MYO5B: variants seen among roughly 807,000 people sequenced by gnomAD.
The protein encoded by MYO5B is unconventional myosin-Vb.
Under a neutral mutation model 229.3 loss-of-function variants are expected in MYO5B, and 143 were observed. The ratio of observed to expected loss-of-function variants is 0.62; its 90% confidence interval spans 0.54 to 0.72. The LOEUF is 0.72. MYO5B is among the 30% of genes least tolerant of loss of function. The pLI is 0.00. For missense variants in MYO5B, 2,321 were observed against 2,331.0 expected, an observed-to-expected ratio of 1.00 and a Z score of 0.09; for synonymous variants, 918 against 885.2, an observed-to-expected ratio of 1.04 and a Z score of -0.66.
chr18:50,192,025 G>A (rs529505684), intron 1 of MYO5B, among the ~76,000 whole-genome samples: 17 of 151,834 alleles, frequency 1.1e-4, no homozygotes, highest in South Asian at 4.2e-4. Context: ...GGGACGAAGC[G>A]ATGTCAAAGA....
At chr18:49,912,501 A>G (rs1416179856) in intron 17 of MYO5B, among the ~76,000 whole-genome samples, 1 of 152,132 alleles carries the variant, frequency 6.6e-6, no homozygotes, top group Non-Finnish European at 1.5e-5. Flanking sequence ...TACCTCCCAT[A>G]ATTCTCACAT....
At chr18:50,041,403 GGTTATCAAAT>G (rs1346612882) in intron 2 of MYO5B, among the ~76,000 whole-genome samples, 4 of 152,060 alleles carry the variant, frequency 2.6e-5, no homozygotes, top group Non-Finnish European at 5.9e-5. Context: ...AGAGGGACTC[GGTTATCAAAT>G]GTTAAGGTAT....
chr18:49,953,773 G>A (rs558610907), intron 13 of MYO5B, among the ~76,000 whole-genome samples: 11 of 152,240 alleles, frequency 7.2e-5, no homozygotes, highest in Admixed American at 2.0e-4. Context: ...CCCCTGAAGA[G>A]CAGCTACACA....
chr18:49,904,386 A>G (rs369460070), intron 20 of MYO5B, among the ~76,000 whole-genome samples: 326 of 152,262 alleles, frequency 2.1e-3, no homozygotes, highest in African/African-American at 7.3e-3. Flanking sequence ...CAGATGTTCA[A>G]TTGTGAACTT....
chr18:49,837,772 T>G lies in MYO5B; in HGVS notation c.4883A>C (p.Gln1628Pro). The part of the protein sequence containing the change: ...VSAMLENESI[Q>P]GLSGVKPTGY... ...GGTGGGCTTCACACCAGATAGACCC[T>G]GAATGCTCTCATTTTCCAACATGGC... The change falls in exon 37 of 40, where the codon CAG (glutamine) becomes CCG (proline). Residue 1628 changes from glutamine to proline, a missense_variant. By Grantham distance (76) the Gln-to-Pro change is moderately conservative (BLOSUM62 -1). Coordinates refer to ENST00000285039, the MANE Select transcript of MYO5B (RefSeq NM_001080467.3). 6.2e-7 allele frequency: 1 copy of G among 1,614,226 alleles called. No individual in the cohort carries two copies. Among genetic ancestry groups the G allele is most frequent in the Non-Finnish European group, 8.5e-7 (1 of 1,180,036 alleles).
At chr18:49,939,219 C>T (rs907050592) in intron 14 of MYO5B, among the ~76,000 whole-genome samples, 11 of 144,938 alleles carry the variant, frequency 7.6e-5, no homozygotes, top group African/African-American at 2.8e-4. Context: ...AATCTCAACT[C>T]ACTGCAAGCT....
At chr18:50,025,232 C>T (rs1410383065) in intron 4 of MYO5B, among the ~76,000 whole-genome samples, 1 of 152,222 alleles carries the variant, frequency 6.6e-6, no homozygotes, top group African/African-American at 2.4e-5. Flanking sequence ...CATCCATTCC[C>T]AAGGCTTTAA....
At chr18:49,863,598 G>A (rs2024358509) in intron 28 of MYO5B, among the ~76,000 whole-genome samples, 1 of 152,134 alleles carries the variant, frequency 6.6e-6, no homozygotes, top group South Asian at 2.1e-4. Context: ...GAGCACCCAA[G>A]TCCAGAGCAC....
intron 33 of MYO5B, among the ~76,000 whole-genome samples, chr18:49,843,905 A>G (rs2024093715): frequency 6.6e-6 from 1 of 152,240 alleles, no homozygotes; most frequent in Non-Finnish European, 1.5e-5. Context: ...AGGTTGGAAC[A>G]ATCTCTGGCC....
At chr18:50,060,093 G>A (rs1161132855) in intron 1 of MYO5B, among the ~76,000 whole-genome samples, 2 of 152,166 alleles carry the variant, frequency 1.3e-5, no homozygotes, top group Non-Finnish European at 2.9e-5. Context: ...TTGGTAACCA[G>A]ACAGAGATGG....
intron 33 of MYO5B, 132 bp from the exon 34 acceptor site, chr18:49,843,524 G>C: frequency 8.3e-7 from 1 of 1,203,250 alleles, no homozygotes; most frequent in Non-Finnish European, 1.2e-6. Flanking sequence ...GTCTCAAAGA[G>C]GATTGGGAGA....
At chr18:49,924,237 G>A (rs112907934) in intron 17 of MYO5B, among the ~76,000 whole-genome samples, 3,227 of 152,250 alleles carry the variant, frequency 0.021, 54 homozygotes, top group Middle Eastern at 0.048. Flanking sequence ...CACCCATAGG[G>A]AGGTAGCTTC....
intron 1 of MYO5B, among the ~76,000 whole-genome samples, chr18:50,083,671 A>G (rs1379403113): frequency 6.6e-6 from 1 of 152,208 alleles, no homozygotes; most frequent in Non-Finnish European, 1.5e-5. Context: ...ACTTTAATTC[A>G]GAGCCTCAGA....
At chr18:49,895,467 G>T (rs1405629802) in intron 21 of MYO5B, among the ~76,000 whole-genome samples, 2 of 152,194 alleles carry the variant, frequency 1.3e-5, no homozygotes, top group African/African-American at 4.8e-5. Flanking sequence ...TGGCTTTATG[G>T]CTGGGTGGAT....
At chr18:49,993,947 T>C (rs1489964692) in intron 5 of MYO5B, among the ~76,000 whole-genome samples, 1 of 152,162 alleles carries the variant, frequency 6.6e-6, no homozygotes, top group African/African-American at 2.4e-5. Flanking sequence ...CCTCTAATCT[T>C]GCCCTTGGTC....
At chr18:49,866,270 C>T (rs573563045) in intron 27 of MYO5B, among the ~76,000 whole-genome samples, 2 of 151,918 alleles carry the variant, frequency 1.3e-5, no homozygotes, top group East Asian at 3.9e-4. Context: ...GGGGTTTCAC[C>T]ATGTTAGTCA....
At position 49,912,068 on chromosome 18, in the gene MYO5B, G is replaced by T; in HGVS notation, c.2196C>A (p.Leu732=). The change falls in exon 18 of 40, where the codon CTC becomes CTA. Residue 732 remains leucine, a synonymous_variant. Transcript: ENST00000285039. ...GCTGGGCTGTGTGGCTCACCTTGAT[G>T]AGGTTCTCCAGGACAGACCTGCAGA... ...KAICRSVLEN[L]IKDPDKFQFG... The T allele has an allele frequency of 6.2e-7, 1 of 1,613,946 alleles. No homozygotes were observed. The highest frequency in any genetic ancestry group is 1.1e-5 in the South Asian group (1 of 91,070).
At chr18:50,122,971 T>TA (rs761846511) in intron 1 of MYO5B, among the ~76,000 whole-genome samples, 21 of 152,196 alleles carry the variant, frequency 1.4e-4, no homozygotes, top group Non-Finnish European at 2.4e-4. Context: ...CTGCATGCTA[T>TA]ATACCCAAAA....
chr18:50,079,322 TCA>T (rs2031159374), intron 1 of MYO5B, among the ~76,000 whole-genome samples: 1 of 152,230 alleles, frequency 6.6e-6, no homozygotes, highest in East Asian at 1.9e-4. Flanking sequence ...CTTTCATAAC[TCA>T]TATTCTAGGA....
Sources: gnomAD v4.1 joint callset for allele counts (sites outside exome capture counted in the v4.1 genomes callset) on GRCh38, gnomAD v4.1.1 for gene constraint, MANE v1.5 for transcripts, NCBI Gene and HGNC (gene_info 2026-07-23, HGNC 2026-07-21) for gene names.